Variants in WDFY1 observed in about 807,000 individuals in gnomAD.
WDFY1 encodes WD repeat and FYVE domain containing 1.
A neutral mutation model predicts 56.4 loss-of-function variants in WDFY1; 32 were observed. The observed-to-expected ratio is 0.57, with a 90% CI of 0.43 to 0.76. WDFY1 has a LOEUF of 0.76. Among genes scored for constraint, WDFY1 ranks in the 30% least tolerant of loss-of-function variants. The pLI is 0.00. For synonymous variants in WDFY1, 192 were observed against 197.3 expected, an observed-to-expected ratio of 0.97 and a Z score of 0.23; for missense variants, 480 against 545.7, an observed-to-expected ratio of 0.88 and a Z score of 1.20.
Position 223,897,471 on chromosome 2 carries a change from C to T in WDFY1, c.598+1487G>A, listed in dbSNP as rs139423474. ...TTGGCTCACTGCAACCTCTGCCTCC[C>T]GGGTTCAAGAGATTCTCCTGCCTCA... On this transcript the variant is annotated intron_variant, in intron 6 of 11. Coordinates refer to ENST00000233055, the MANE Select transcript of WDFY1 (RefSeq NM_020830.5). Among the ~76,000 whole-genome samples, 629 of 150,308 alleles carry T rather than the reference C, an allele frequency of 4.2e-3. 4 individuals are homozygous for T. Among genetic ancestry groups the T allele is most frequent in the African/African-American group, 0.012 (480 of 40,830 alleles).
At position 223,912,215 on chromosome 2, in the gene WDFY1, A is replaced by G. The variant is rs372342966; in HGVS notation, c.279+38T>C. The G allele has an allele frequency of 2.9e-5, 46 of 1,569,938 alleles. 1 individual carries two copies. Among genetic ancestry groups the G allele is most frequent in the African/African-American group, 2.9e-4 (21 of 72,358 alleles). On this transcript the variant is annotated intron_variant, in intron 3 of 11. Transcript: ENST00000233055. ...GGGAGGTCAATATAAAGAATATAAT[A>G]TAAAGAATACAATAAATACATTCTA... is the stretch of plus-strand genomic sequence containing the variant.
chr2:223,897,405 G>GTC (rs1173901253), intron 6 of WDFY1, among the ~76,000 whole-genome samples: 1 of 98,924 alleles, frequency 1.0e-5, no homozygotes, highest in Middle Eastern at 6.5e-3. Context: ...TTAAGACGGA[G>GTC]TCTCTCTCTG....
At chr2:223,893,214 C>T (rs1337505039) in intron 8 of WDFY1, among the ~76,000 whole-genome samples, 4 of 152,060 alleles carry the variant, frequency 2.6e-5, no homozygotes, top group Admixed American at 2.6e-4. Flanking sequence ...CTGCAGCATT[C>T]TTCAAAATAT....
At chr2:223,931,375 T>C (rs1478124555) in intron 1 of WDFY1, among the ~76,000 whole-genome samples, 2 of 152,232 alleles carry the variant, frequency 1.3e-5, no homozygotes, top group African/African-American at 2.4e-5. Context: ...AGTGGAGTTA[T>C]AACCACAGTT....
At chr2:223,902,008 AC>A (rs1254662649) in intron 4 of WDFY1, among the ~76,000 whole-genome samples, 1 of 152,212 alleles carries the variant, frequency 6.6e-6, no homozygotes, top group South Asian at 2.1e-4. Context: ...GGGCAGTGTA[AC>A]CTGCCTTCAA....
At chr2:223,918,747 G>A (rs367952266) in intron 1 of WDFY1, among the ~76,000 whole-genome samples, 119 of 152,310 alleles carry the variant, frequency 7.8e-4, no homozygotes, top group African/African-American at 2.7e-3. Flanking sequence ...TTGACCGTCT[G>A]GGCCGAGAGG....
chr2:223,909,182 C>T (rs995067435), intron 3 of WDFY1, among the ~76,000 whole-genome samples: 2 of 152,198 alleles, frequency 1.3e-5, no homozygotes, highest in Admixed American at 1.3e-4. Context: ...TCCCCAGGCC[C>T]CTCCCTAGTG....
rs758686313 is a variant in WDFY1, at chr2:223,945,306, G to T, written c.-22C>A. ...CCATGTTCGCGCGGCGACTGCTGCGGCCTCCTCGGCAGGCAGCCCATCAGC... is the reference window on the plus strand; with the variant it reads ...CCATGTTCGCGCGGCGACTGCTGCGTCCTCCTCGGCAGGCAGCCCATCAGC... On this transcript the variant is annotated 5_prime_UTR_variant, in exon 1 of 12. Transcript: ENST00000233055. 5.1e-6 allele frequency: 8 copies of T among 1,555,714 alleles called. No homozygotes were observed. In the South Asian group the frequency reaches 9.2e-5, roughly 18 times the overall value.
chr2:223,930,296 G>C (rs771250333), intron 1 of WDFY1, among the ~76,000 whole-genome samples: 3 of 152,232 alleles, frequency 2.0e-5, no homozygotes, highest in Non-Finnish European at 2.9e-5. Context: ...CCATTTTGCA[G>C]CTCTTTCCAT....
intron 1 of WDFY1, among the ~76,000 whole-genome samples, chr2:223,923,101 A>G (rs1297026315): frequency 6.6e-6 from 1 of 152,204 alleles, no homozygotes; most frequent in Non-Finnish European, 1.5e-5. Context: ...AAATGAGGCA[A>G]CTGGCCTGGA....
intron 1 of WDFY1, among the ~76,000 whole-genome samples, chr2:223,928,391 G>A (rs1398629458): frequency 6.6e-6 from 1 of 152,166 alleles, no homozygotes; most frequent in Non-Finnish European, 1.5e-5. Flanking sequence ...ACAGGAGAAG[G>A]GGAGGAGAAG....
intron 1 of WDFY1, 76 bp downstream of exon 1, chr2:223,945,072 C>A (rs1371611823): frequency 2.0e-6 from 3 of 1,464,710 alleles, no homozygotes; most frequent in African/African-American, 1.5e-5. Context: ...CAGGAAGGAC[C>A]GGGGCCGCGG....
chr2:223,933,535 G>C (rs1694116647), intron 1 of WDFY1, among the ~76,000 whole-genome samples: 1 of 152,024 alleles, frequency 6.6e-6, no homozygotes, highest in African/African-American at 2.4e-5. Flanking sequence ...ACATTACAAA[G>C]TCTGGCCAGG....
chr2:223,937,037 T>A (rs1694177674), intron 1 of WDFY1, among the ~76,000 whole-genome samples: 1 of 152,244 alleles, frequency 6.6e-6, no homozygotes, highest in Admixed American at 6.5e-5. Flanking sequence ...GACTATAATG[T>A]GTCAATCTTT....
intron 1 of WDFY1, among the ~76,000 whole-genome samples, chr2:223,927,134 G>A (rs757484972): frequency 5.3e-5 from 8 of 152,114 alleles, no homozygotes; most frequent in Non-Finnish European, 1.0e-4. Flanking sequence ...AATTCTTAAT[G>A]GTCTTAGGAT....
At position 223,884,689 on chromosome 2, in the gene WDFY1, T is replaced by C. The variant is rs1693141171; in HGVS notation, c.892A>G (p.Ile298Val). Reference sequence around the variant, plus strand: ...GTCTTGGTGTCCCACATCTGCTTTATGTTCCAGAAAAATGGCTGCTCACAT... The same window carrying C: ...GTCTTGGTGTCCCACATCTGCTTTACGTTCCAGAAAAATGGCTGCTCACAT... ...QKCEQPFFWN[I>V]KQMWDTKTLG... Residue 298 changes from isoleucine (I) to valine (V), a missense_variant, in exon 9 of 12, where the codon ATA becomes GTA. Coordinates refer to ENST00000233055, the MANE Select transcript of WDFY1 (RefSeq NM_020830.5). 6.2e-7 allele frequency: 1 copy of C among 1,614,038 alleles called. No homozygotes were observed. Among genetic ancestry groups the C allele is most frequent in the Non-Finnish European group, 8.5e-7 (1 of 1,180,020 alleles).
rs1403306849 is a variant in WDFY1, at chr2:223,875,835, T to C, written c.*2836A>G. On this transcript the variant is annotated 3_prime_UTR_variant, in exon 12 of 12. Transcript: ENST00000233055. ...TCCAATAACGGAAGTAGAAGTACTT[T>C]AACGAAAACTGATTTTAGAAAAATA... The C allele has an allele frequency of 5.9e-5, 9 of 152,198 alleles. No individual in the cohort carries two copies. The highest frequency in any genetic ancestry group is 4.6e-4 in the Admixed American group (7 of 15,266). 9.4% of individuals were successfully genotyped at this position (152,198 alleles called of 1,614,324 possible).
chr2:223,912,956 G>GA (rs1035036279), intron 2 of WDFY1, among the ~76,000 whole-genome samples: 5 of 151,658 alleles, frequency 3.3e-5, no homozygotes, highest in Admixed American at 6.6e-5. Context: ...GGAACATTTG[G>GA]AAAAAAAATG....
chr2:223,929,189 GTTTTTT>G, intron 1 of WDFY1, among the ~76,000 whole-genome samples: 1 of 28,944 alleles, frequency 3.5e-5, no homozygotes, highest in Non-Finnish European at 1.8e-4. Context: ...TCTGTTTTTT[GTTTTTT>G]TTTTTTTTTG....
Sources: allele counts gnomAD v4.1 joint callset (sites outside exome capture counted in the v4.1 genomes callset), GRCh38; gene constraint gnomAD v4.1.1; transcripts MANE v1.5; gene names NCBI Gene and HGNC (gene_info 2026-07-23, HGNC 2026-07-21).